The following IL18BP variants were observed in gnomAD, a reference collection of about 807,000 sequenced individuals.
IL18BP encodes the protein interleukin-18-binding protein.
In IL18BP, 23 loss-of-function variants were observed where a neutral mutation model predicts 19.9. The observed-to-expected ratio is 1.15, with a 90% confidence interval of 0.83 to 1.64. The LOEUF is 1.64. IL18BP is among the 40% of genes most tolerant of loss of function. The pLI, the probability that IL18BP is intolerant of heterozygous loss-of-function variation, is 0.00. For synonymous variants in IL18BP, 107 were observed against 101.0 expected (o/e 1.06, Z -0.35); for missense variants, 239 against 240.7 (o/e 0.99, Z 0.05).
At position 72,001,363 on chromosome 11, in the gene IL18BP, T is replaced by G. The variant is rs766338983; in HGVS notation, c.359+39T>G. On this transcript the variant is annotated intron_variant, in intron 4 of 5. Coordinates refer to ENST00000393703, the MANE Select transcript of IL18BP (RefSeq NM_001039660.2). Reference sequence around the variant, plus strand: ...CAGCCAGGTGGGTGGGAAGGAGGCCTTCTGCGGCCTTCTCATGACCTTTCC... The same window carrying G: ...CAGCCAGGTGGGTGGGAAGGAGGCCGTCTGCGGCCTTCTCATGACCTTTCC... The G allele has an allele frequency of 5.9e-5, 96 of 1,614,082 alleles. No individual in the cohort carries two copies. In the Admixed American group the frequency reaches 1.5e-3, roughly 26 times the overall value.
chr11:72,000,376 C>T lies in IL18BP; in HGVS notation c.54C>T (p.Leu18=), dbSNP rs138685890. The T allele has an allele frequency of 3.5e-4, 558 of 1,614,024 alleles. 5 individuals carry two copies. In the East Asian group the frequency reaches 0.011, roughly 33 times the overall value. ...TPDLSPLWVL[L]LCAHVVTLLV... ...ACCTCAGCCCTTTGTGGGTCCTGCT[C>T]CTGTGTGCCCACGTCGTCACTCTCC... is the stretch of plus-strand genomic sequence containing the variant. Residue 18 remains leucine, a synonymous_variant, in exon 3 of 6, where the codon CTC becomes CTT. Transcript: ENST00000393703.
downstream of IL18BP, chr11:72,004,415 A>G (rs906409727): frequency 2.1e-6 from 3 of 1,395,388 alleles, no homozygotes; most frequent in African/African-American, 1.4e-5. Flanking sequence ...TTGTCCTCTC[A>G]GAGCTGAGTG....
At chr11:72,004,623 G>A (rs1955553287), downstream of IL18BP, 1 of 1,609,394 alleles carries the variant, frequency 6.2e-7, no homozygotes, top group African/African-American at 1.3e-5. Flanking sequence ...GTAACACCCA[G>A]GAGCCACCGC....
At chr11:72,001,063 C>A in intron 3 of IL18BP, 138 bp from the exon 4 acceptor site, 1 of 1,002,922 alleles carries the variant, frequency 1.0e-6, no homozygotes, top group South Asian at 1.5e-5. Context: ...CGGACGTTCC[C>A]ACCTAGGTGG....
At position 72,001,206 on chromosome 11, in the gene IL18BP, A is replaced by ACG; in HGVS notation, c.243_244dup (p.Leu82ArgfsTer2). On this transcript the variant is annotated frameshift_variant, in exon 4 of 6. Transcript: ENST00000393703. LOFTEE classifies it high-confidence loss of function. ...ACTGCTGCCTGTGTCCCTAGATGGAACGCTGAGCTTATCCTGTGTGGCCTG... is the reference window on the plus strand; with the variant it reads ...ACTGCTGCCTGTGTCCCTAGATGGAACGCGCTGAGCTTATCCTGTGTGGCCTG... 6.2e-7 allele frequency: 1 copy of ACG among 1,614,132 alleles called. No individual in the cohort carries two copies. Among genetic ancestry groups the ACG allele is most frequent in the Non-Finnish European group, 8.5e-7 (1 of 1,180,010 alleles).
chr11:72,008,098 G>C, downstream of IL18BP: 2 of 478,704 alleles, frequency 4.2e-6, no homozygotes, highest in Non-Finnish European at 8.3e-6. Context: ...CTACCTCAGA[G>C]GGTTGTTGGG....
At chr11:71,999,533 T>A in intron 1 of IL18BP, 1 of 213,980 alleles carries the variant, frequency 4.7e-6, no homozygotes, top group Non-Finnish European at 9.6e-6. Context: ...CTGCTCAAGA[T>A]TCCCTGGTTA....
At chr11:72,000,323 C>T (rs764537180) in intron 2 of IL18BP, 28 bp from the exon 3 acceptor site, 17 of 1,599,442 alleles carry the variant, frequency 1.1e-5, no homozygotes, top group East Asian at 6.7e-5. Context: ...TCTCCAGAGC[C>T]GCTGACCTGT....
Position 72,000,416 on chromosome 11 carries a change from C to A in IL18BP, c.94C>A (p.Pro32Thr), listed in dbSNP as rs748034618. 1 of 1,613,994 alleles carries A rather than the reference C, an allele frequency of 6.2e-7. No homozygotes were observed. ...HVVTLLVRATPVSQTTTAATA... is the reference protein window; with the variant it reads ...HVVTLLVRATTVSQTTTAATA... ...CGTCACTCTCCTGGTCAGAGCCACA[C>A]CTGTCTCGCAGACCACCACAGCTGC... The change falls in exon 3 of 6, where the codon CCT becomes ACT. Residue 32 changes from proline to threonine, a missense_variant. Transcript: ENST00000393703.
downstream of IL18BP, chr11:72,007,045 C>G: frequency 2.1e-6 from 2 of 954,120 alleles, no homozygotes; most frequent in Middle Eastern, 3.4e-4. Flanking sequence ...AAGTCACTGC[C>G]CTTTTTAAGA....
Position 72,001,830 on chromosome 11 carries a change from C to G in IL18BP, c.554C>G (p.Ser185Cys). The change falls in exon 6 of 6, where the codon TCC becomes TGC. Residue 185 changes from serine to cysteine, a missense_variant. By Grantham distance (112) the Ser-to-Cys change is moderately radical. Transcript: ENST00000393703. ...CCCCCCACCCAAGAAGCCCTGCCCT[C>G]CAGCCACAGCAGTCCACAGCAGCAG... Reference protein sequence around the residue: ...TLPPTQEALPSSHSSPQQQG With the variant: ...TLPPTQEALPCSHSSPQQQG The G allele has an allele frequency of 6.2e-7, 1 of 1,614,192 alleles. No individual in the cohort carries two copies. The highest frequency in any genetic ancestry group is 8.5e-7 in the Non-Finnish European group (1 of 1,180,030).
chr11:72,003,688 C>A, downstream of IL18BP: 1 of 1,105,118 alleles, frequency 9.0e-7, no homozygotes. Flanking sequence ...TGTGCCTGAG[C>A]AGCTCTGGGT....
downstream of IL18BP, chr11:72,003,297 A>T (rs1955386103): frequency 3.6e-6 from 2 of 561,168 alleles, no homozygotes; most frequent in Admixed American, 3.1e-5. Context: ...GAGGCAAGGT[A>T]GGGAGAGCGC....
In IL18BP at chr11:72,002,018, A is replaced by C; in HGVS notation, c.*157A>C. ...GGGTCCCTTCTCTCACCAAATTCAA[A>C]CTCCATTCCCACCTACCTAGAAAAT... On this transcript the variant is annotated 3_prime_UTR_variant, in exon 6 of 6. Transcript: ENST00000393703. The C allele has an allele frequency of 4.8e-6, 5 of 1,050,950 alleles. No homozygotes were observed. Among genetic ancestry groups the C allele is most frequent in the African/African-American group, 3.2e-5 (2 of 62,090 alleles). 65.1% of individuals were successfully genotyped at this position (1,050,950 alleles called of 1,614,324 possible).
downstream of IL18BP, chr11:72,006,176 T>C (rs781176123): frequency 4.4e-5 from 71 of 1,613,922 alleles, no homozygotes; most frequent in Middle Eastern, 1.6e-4. Context: ...GTAGAGGAGG[T>C]GGCTCGCAGG....
At chr11:72,004,313 C>T (rs1382977636), downstream of IL18BP, 15 of 1,612,974 alleles carry the variant, frequency 9.3e-6, no homozygotes, top group Non-Finnish European at 1.2e-5. Context: ...AGTCATGGGG[C>T]GTGGGAAACA....
chr11:72,007,768 T>C (rs892470216), downstream of IL18BP: 16 of 388,828 alleles, frequency 4.1e-5, no homozygotes, highest in African/African-American at 3.1e-4. Context: ...TTTCAGTGAA[T>C]AGGAACGCCC....
chr11:72,003,624 A>G, downstream of IL18BP: 1 of 1,552,054 alleles, frequency 6.4e-7, no homozygotes, highest in Admixed American at 1.7e-5. Context: ...TCCTGCTCCC[A>G]CGCCCCTGTC....
downstream of IL18BP, chr11:72,005,835 TAA>T: frequency 1.7e-6 from 1 of 589,932 alleles, no homozygotes; most frequent in South Asian, 2.2e-5. Flanking sequence ...TAACTCTGGC[TAA>T]GAGTGCCCCC....
Sources: gnomAD v4.1 joint callset for allele counts on GRCh38, gnomAD v4.1.1 for gene constraint, MANE v1.5 for transcripts, NCBI Gene and HGNC (gene_info 2026-07-23, HGNC 2026-07-21) for gene names.